KIAA1217: variants seen among roughly 807,000 people sequenced by gnomAD.
KIAA1217 encodes the protein sickle tail protein homolog.
KIAA1217 carries 88 observed loss-of-function variants against 163.9 expected under a neutral mutation model. The observed-to-expected ratio is 0.54, with a 90% CI of 0.45 to 0.64. The LOEUF (loss-of-function observed/expected upper bound fraction) is 0.64. Among genes scored for constraint, KIAA1217 ranks in the 30% least tolerant of loss-of-function variants. The pLI is 0.00. For synonymous variants in KIAA1217, 903 were observed against 923.1 expected, an observed-to-expected ratio of 0.98 and a Z score of 0.39; for missense variants, 2,372 against 2,475.0, an observed-to-expected ratio of 0.96 and a Z score of 0.88.
intron 2 of KIAA1217, among the ~76,000 whole-genome samples, chr10:24,293,914 C>G (rs965947863): frequency 5.9e-5 from 9 of 152,170 alleles, no homozygotes; most frequent in Non-Finnish European, 1.0e-4. Flanking sequence ...TAGTTCCTGG[C>G]CGGGTGCGGT....
At chr10:23,978,538 C>A (rs973963235) in intron 1 of KIAA1217, among the ~76,000 whole-genome samples, 1 of 152,120 alleles carries the variant, frequency 6.6e-6, no homozygotes, top group Non-Finnish European at 1.5e-5. Context: ...ATGACCCTGG[C>A]CCTTTCCTGT....
intron 1 of KIAA1217, among the ~76,000 whole-genome samples, chr10:23,770,042 A>T (rs551773574): frequency 6.6e-6 from 1 of 152,336 alleles, no homozygotes; most frequent in South Asian, 2.1e-4. Flanking sequence ...TAATCAACCA[A>T]TGTTTCACTT....
At chr10:24,271,434 A>G (rs1201320360) in intron 2 of KIAA1217, among the ~76,000 whole-genome samples, 1 of 152,102 alleles carries the variant, frequency 6.6e-6, no homozygotes, top group Non-Finnish European at 1.5e-5. Context: ...GTTAGTTTAT[A>G]CTTACTCTTT....
rs1372488754 is a variant in KIAA1217 at position 23,695,782 on chromosome 10, G to A, written c.-321+548G>A. ...GTGGGAGGTTTGGGTCTTCTGAGAC[G>A]CTCCAGACTCTCCGGAGGCGGCAGA... On this transcript the variant is annotated intron_variant, in intron 1 of 18. Coordinates refer to the KIAA1217 transcript ENST00000376462. The surrounding 1 kb of genome is among the most constrained non-coding windows in gnomAD (Gnocchi z 4.9). Among the ~76,000 whole-genome samples the A allele has an allele frequency of 6.6e-6, 1 of 152,194 alleles. No homozygotes were observed. The highest frequency in any genetic ancestry group is 2.4e-5 in the African/African-American group (1 of 41,460).
At chr10:24,451,056 A>G (rs2061338871) in intron 5 of KIAA1217, among the ~76,000 whole-genome samples, 1 of 152,200 alleles carries the variant, frequency 6.6e-6, no homozygotes, top group South Asian at 2.1e-4. Flanking sequence ...CCTGGTTACA[A>G]CTTACTCAGA....
chr10:24,184,336 C>T (rs975292623), intron 2 of KIAA1217, among the ~76,000 whole-genome samples: 1 of 152,164 alleles, frequency 6.6e-6, no homozygotes, highest in Non-Finnish European at 1.5e-5. Flanking sequence ...CCCTTTTGCA[C>T]TCTTTATGTG....
intron 16 of KIAA1217, 73 bp downstream of exon 16, chr10:24,533,310 T>G (rs1358338297): frequency 2.0e-6 from 3 of 1,465,716 alleles, no homozygotes; most frequent in Non-Finnish European, 2.8e-6. Context: ...CACTCACAGA[T>G]TTGTTAGCGA....
chr10:23,745,579 G>A (rs543450494), intron 1 of KIAA1217, among the ~76,000 whole-genome samples: 19 of 152,292 alleles, frequency 1.2e-4, no homozygotes, highest in African/African-American at 3.8e-4. Flanking sequence ...CTAATGAACC[G>A]TCTGAGGAGT....
At position 23,949,650 on chromosome 10, in the gene KIAA1217, G is replaced by A. The variant is rs574832667; in HGVS notation, c.-320-57575G>A. Among the ~76,000 whole-genome samples the A allele has an allele frequency of 4.6e-5, 7 of 152,058 alleles. No individual in the cohort carries two copies. In the East Asian group the frequency reaches 1.4e-3, roughly 29 times the overall value. ...TATTAAAGAAAAGACTGCCTGGTGT[G>A]TTTAAAAGCAAGTATACTAAAAGTC... On this transcript the variant is annotated intron_variant, in intron 1 of 18. Coordinates refer to the KIAA1217 transcript ENST00000376462.
intron 1 of KIAA1217, among the ~76,000 whole-genome samples, chr10:23,944,152 C>T (rs1449643346): frequency 3.3e-5 from 5 of 152,138 alleles, no homozygotes; most frequent in African/African-American, 4.8e-5. Flanking sequence ...AGGCCGGGCA[C>T]GGTGGCTCAT....
chr10:23,906,273 C>CAA (rs35884391), intron 1 of KIAA1217, among the ~76,000 whole-genome samples: 8 of 151,714 alleles, frequency 5.3e-5, no homozygotes, highest in Non-Finnish European at 7.4e-5. Flanking sequence ...CACACACACA[C>CAA]AAAAATACAC....
intron 2 of KIAA1217, among the ~76,000 whole-genome samples, chr10:24,351,038 C>T (rs892325593): frequency 2.7e-5 from 4 of 150,036 alleles, no homozygotes; most frequent in Middle Eastern, 3.4e-3. Flanking sequence ...ACCTCCGCCT[C>T]CTGGGTTCAA....
chr10:24,393,443 G>C (rs2055263462), intron 3 of KIAA1217, among the ~76,000 whole-genome samples: 2 of 152,126 alleles, frequency 1.3e-5, no homozygotes, highest in Admixed American at 1.3e-4. Flanking sequence ...CAGGAAAGCT[G>C]CTTTCATGCA....
chr10:24,059,609 G>T lies in KIAA1217; in HGVS notation c.-171+52235G>T, dbSNP rs1272940770. On this transcript the variant is annotated intron_variant, in intron 2 of 18. Coordinates refer to the KIAA1217 transcript ENST00000376462. ...TTTGTTTGTTTTTGAGACGGAGCTCGCTCTGTCACCCAGGCTGAAGTGCAG... is the reference window on the plus strand; with the variant it reads ...TTTGTTTGTTTTTGAGACGGAGCTCTCTCTGTCACCCAGGCTGAAGTGCAG... Among the ~76,000 whole-genome samples the T allele has an allele frequency of 1.1e-4, 17 of 152,092 alleles. No homozygotes were observed. The South Asian group carries it at 3.5e-3, about 32-fold the overall frequency.
intron 5 of KIAA1217, among the ~76,000 whole-genome samples, chr10:24,444,534 A>G (rs1195680498): frequency 6.6e-6 from 1 of 152,212 alleles, no homozygotes; most frequent in Non-Finnish European, 1.5e-5. Context: ...GTGATGATTC[A>G]TCTTCACGTC....
rs545518321 is a variant in KIAA1217 at position 23,889,581 on chromosome 10, T to C, written c.-320-117644T>C. Among the ~76,000 whole-genome samples the C allele has an allele frequency of 4.2e-4, 64 of 152,070 alleles. 1 individual carries two copies. Among genetic ancestry groups the C allele is most frequent in the Admixed American group, 3.8e-3 (58 of 15,228 alleles). On this transcript the variant is annotated intron_variant, in intron 1 of 18. Transcript: ENST00000376462. ...TTGCAAATATCTTATCCCTGCTTGC[T>C]TAGAGAAATATTTGTATCCTTAAAT...
intron 1 of KIAA1217, among the ~76,000 whole-genome samples, chr10:23,884,620 G>T (rs1841093737): frequency 6.6e-6 from 1 of 151,902 alleles, no homozygotes; most frequent in Non-Finnish European, 1.5e-5. Context: ...ATTTTCCAAG[G>T]TAGGGAGGCC....
chr10:23,737,830 A>C (rs1838898217), intron 1 of KIAA1217, among the ~76,000 whole-genome samples: 1 of 151,926 alleles, frequency 6.6e-6, no homozygotes, highest in African/African-American at 2.4e-5. Flanking sequence ...TTTCTACTAA[A>C]ATGTCTCTAT....
intron 1 of KIAA1217, among the ~76,000 whole-genome samples, chr10:23,932,911 T>C (rs535478934): frequency 6.6e-6 from 1 of 152,234 alleles, no homozygotes; most frequent in Admixed American, 6.5e-5. Context: ...AAATATGAAA[T>C]TGGAACCATA....
Sources: allele counts gnomAD v4.1 joint callset (sites outside exome capture counted in the v4.1 genomes callset), GRCh38; gene constraint gnomAD v4.1.1; non-coding constraint Gnocchi (gnomAD v3.1); transcripts MANE v1.5; gene names NCBI Gene and HGNC (gene_info 2026-07-23, HGNC 2026-07-21).